Variants in AKAP13 observed in about 807,000 individuals in gnomAD.
AKAP13 encodes the protein A-kinase anchor protein 13.
A neutral mutation model predicts 264.5 loss-of-function variants in AKAP13; 80 were observed. The ratio of observed to expected loss-of-function variants is 0.30; its 90% CI spans 0.25 to 0.36. The LOEUF is 0.36. Among genes scored for constraint, AKAP13 ranks in the 10% least tolerant of loss-of-function variants. The pLI is 1.00. For synonymous variants in AKAP13, 1,380 were observed against 1,250.2 expected (o/e 1.10, Z -2.19); for missense variants, 3,712 against 3,435.2 (o/e 1.08, Z -2.01).
At position 85,496,498 on chromosome 15, in the gene AKAP13, G is replaced by C. The variant is rs141244203; in HGVS notation, c.33+10745G>C. ...GTTAAAAAAATTTATTCCTGAACAAGTGTAGTTTGCATAAATAATCAAATT... is the reference window on the plus strand; with the variant it reads ...GTTAAAAAAATTTATTCCTGAACAACTGTAGTTTGCATAAATAATCAAATT... On this transcript the variant is annotated intron_variant, in intron 2 of 36. Transcript: ENST00000394518. 1.9e-3 allele frequency among the ~76,000 whole-genome samples: 292 copies of C among 152,306 alleles called. 7 individuals carry two copies. Among genetic ancestry groups the C allele is most frequent in the Middle Eastern group, 0.014 (4 of 294 alleles).
intron 29 of AKAP13, among the ~76,000 whole-genome samples, chr15:85,729,601 G>A (rs1399313946): frequency 6.6e-6 from 1 of 152,148 alleles, no homozygotes; most frequent in African/African-American, 2.4e-5. Context: ...TTGAAGCCAT[G>A]GGGATGAATG....
intron 12 of AKAP13, among the ~76,000 whole-genome samples, chr15:85,663,507 C>A (rs1356021922): frequency 1.3e-5 from 2 of 151,978 alleles, no homozygotes; most frequent in Admixed American, 1.3e-4. Flanking sequence ...TTTAAAAAAG[C>A]AAATACAAGT....
chr15:85,701,720 G>A (rs969471779), intron 17 of AKAP13, among the ~76,000 whole-genome samples: 1 of 151,798 alleles, frequency 6.6e-6, no homozygotes, highest in Non-Finnish European at 1.5e-5. Flanking sequence ...TGGGATTACA[G>A]GCGTGAGCCA....
chr15:85,557,885 T>C (rs1179458197), intron 5 of AKAP13, among the ~76,000 whole-genome samples: 1 of 152,220 alleles, frequency 6.6e-6, no homozygotes, highest in East Asian at 1.9e-4. Context: ...TTTAAAATAC[T>C]CTTGCTATTG....
At chr15:85,719,018 T>G (rs1476398576) in intron 22 of AKAP13, 58 bp from the exon 23 acceptor site, 8 of 1,592,560 alleles carry the variant, frequency 5.0e-6, no homozygotes, top group Non-Finnish European at 6.8e-6. Context: ...AGATGATCTT[T>G]GAGGGCGAAT....
intron 1 of AKAP13, among the ~76,000 whole-genome samples, chr15:85,457,761 C>T (rs1286119467): frequency 2.0e-5 from 3 of 152,148 alleles, no homozygotes; most frequent in Non-Finnish European, 2.9e-5. Context: ...TCTGTTTGAC[C>T]TTTCTAAGCC....
At chr15:85,477,354 A>G (rs984529448) in intron 1 of AKAP13, among the ~76,000 whole-genome samples, 1 of 151,844 alleles carries the variant, frequency 6.6e-6, no homozygotes. Context: ...GGCTACTTCC[A>G]AGACCCCTTC....
intron 8 of AKAP13, among the ~76,000 whole-genome samples, chr15:85,636,488 G>A (rs762331761): frequency 1.3e-5 from 2 of 152,174 alleles, no homozygotes; most frequent in Non-Finnish European, 2.9e-5. Context: ...AAAGCATTTA[G>A]TCTTTCACCA....
chr15:85,425,998 C>G (rs1397300883), intron 1 of AKAP13, among the ~76,000 whole-genome samples: 2 of 151,940 alleles, frequency 1.3e-5, no homozygotes, highest in Admixed American at 6.6e-5. Context: ...CTTTCTAATG[C>G]TATTTTTGAA....
At position 85,741,469 on chromosome 15, in the gene AKAP13, C is replaced by T. The variant is rs116249792; in HGVS notation, c.8032C>T (p.Arg2678Trp). The part of the protein sequence containing the change: ...LRREAERLSQ[R>W]QTERDLCQVS... Reference sequence around the variant, plus strand: ...CCGGGAGGCAGAGCGGCTCAGCCAGCGGCAGACAGAACGGGACCTGTGTCA... The same window carrying T: ...CCGGGAGGCAGAGCGGCTCAGCCAGTGGCAGACAGAACGGGACCTGTGTCA... Residue 2678 changes from arginine (R) to tryptophan (W), a missense_variant, in exon 35 of 37, where the codon CGG (arginine) becomes TGG (tryptophan). Coordinates refer to ENST00000394518, the MANE Select transcript of AKAP13 (RefSeq NM_007200.5). The T allele has an allele frequency of 1.4e-3, 2,234 of 1,602,170 alleles. 34 individuals are homozygous for T. The African/African-American group carries it at 0.027, about 19-fold the overall frequency.
In AKAP13 at chr15:85,639,509, T is replaced by C. The variant is rs1596841367; in HGVS notation, c.4237+60T>C. On this transcript the variant is annotated intron_variant, in intron 9 of 36. Transcript: ENST00000394518. Reference sequence around the variant, plus strand: ...GCAGCCCCACTCTGGCAGATCGTTTTATTTGGAGATCTGCCCTTCCTTAGC... The same window carrying C: ...GCAGCCCCACTCTGGCAGATCGTTTCATTTGGAGATCTGCCCTTCCTTAGC... The C allele has an allele frequency of 3.2e-6, 4 of 1,235,588 alleles. No homozygotes were observed. In the East Asian group the frequency reaches 9.3e-5, roughly 29 times the overall value. The allele number at this position is 1,235,588 out of a possible 1,614,324, so 76.5% of individuals were successfully genotyped here.
At chr15:85,713,396 T>C (rs1383032909) in intron 19 of AKAP13, among the ~76,000 whole-genome samples, 1 of 152,216 alleles carries the variant, frequency 6.6e-6, no homozygotes, top group East Asian at 1.9e-4. Flanking sequence ...TCCTCTCTTT[T>C]TTCTTCTGAC....
chr15:85,474,911 A>G (rs2075100356), intron 1 of AKAP13, among the ~76,000 whole-genome samples: 1 of 152,180 alleles, frequency 6.6e-6, no homozygotes, highest in Non-Finnish European at 1.5e-5. Context: ...GACTCGTTCG[A>G]TAGTCACATA....
chr15:85,645,675 GAAAT>G (rs893315432), intron 9 of AKAP13, 139 bp from the exon 10 acceptor site: 3 of 888,728 alleles, frequency 3.4e-6, no homozygotes, highest in East Asian at 2.9e-5. Context: ...TTGAAAAAAA[GAAAT>G]AAGGAGGGAA....
At position 85,601,993 on chromosome 15, in the gene AKAP13, G is replaced by A. The variant is rs184289654; in HGVS notation, c.4161+16170G>A. ...GATTCTTACATCTTTCATGCATTAA[G>A]CCTATTGCAATATATTGTTTTAGTT... On this transcript the variant is annotated intron_variant, in intron 8 of 36. Transcript: ENST00000394518. Among the ~76,000 whole-genome samples the A allele has an allele frequency of 7.9e-5, 12 of 151,730 alleles. No individual in the cohort carries two copies. The East Asian group carries it at 1.7e-3, about 22-fold the overall frequency.
intron 1 of AKAP13, among the ~76,000 whole-genome samples, chr15:85,464,954 T>G (rs2074667004): frequency 6.6e-6 from 1 of 152,174 alleles, no homozygotes; most frequent in Non-Finnish European, 1.5e-5. Context: ...TTTTTTTATT[T>G]TTTTGAGATG....
At chr15:85,697,583 A>G (rs965177788) in intron 17 of AKAP13, among the ~76,000 whole-genome samples, 3 of 152,206 alleles carry the variant, frequency 2.0e-5, no homozygotes, top group Admixed American at 6.5e-5. Context: ...AAAGAAAGAA[A>G]ATTACTAAAA....
intron 1 of AKAP13, among the ~76,000 whole-genome samples, chr15:85,418,234 CCTGT>C: frequency 1.3e-5 from 2 of 152,090 alleles, no homozygotes; most frequent in South Asian, 4.1e-4. Flanking sequence ...CGCCACCATG[CCTGT>C]CTAATTATTT....
At chr15:85,560,145 A>C (rs1166371300) in intron 5 of AKAP13, among the ~76,000 whole-genome samples, 5 of 151,124 alleles carry the variant, frequency 3.3e-5, no homozygotes, top group African/African-American at 7.3e-5. Context: ...AAAAAAAAAA[A>C]AAAAAAAAAA....
Sources: allele counts gnomAD v4.1 joint callset (sites outside exome capture counted in the v4.1 genomes callset), GRCh38; gene constraint gnomAD v4.1.1; transcripts MANE v1.5; gene names NCBI Gene and HGNC (gene_info 2026-07-23, HGNC 2026-07-21).